The following PREX2 variants were observed in gnomAD, a reference collection of about 807,000 sequenced individuals.
The protein encoded by PREX2 is phosphatidylinositol-3,4,5-trisphosphate dependent Rac exchange factor 2, also known as phosphatidylinositol 3,4,5-trisphosphate-dependent Rac exchanger 2 protein.
Under a neutral mutation model 203.2 loss-of-function variants are expected in PREX2, and 107 were observed. The ratio of observed to expected loss-of-function variants is 0.53; its 90% confidence interval spans 0.45 to 0.62. The LOEUF (loss-of-function observed/expected upper bound fraction) is 0.62, where lower values mean the gene tolerates loss of function less well. PREX2 is among the 20% of genes least tolerant of loss of function. The pLI, the probability that PREX2 is intolerant of heterozygous loss-of-function variation, is 0.00. For missense variants in PREX2, 1,777 were observed against 1,955.9 expected (o/e 0.91, Z 1.72); for synonymous variants, 672 against 663.6 (o/e 1.01, Z -0.19).
intron 30 of PREX2, among the ~76,000 whole-genome samples, chr8:68,122,712 C>G (rs758486545): frequency 6.6e-6 from 1 of 152,032 alleles, no homozygotes; most frequent in Admixed American, 6.6e-5. Context: ...TTCTAATGCT[C>G]TCATTAGATT....
At chr8:68,061,221 T>G (rs929249926) in intron 11 of PREX2, among the ~76,000 whole-genome samples, 4 of 152,186 alleles carry the variant, frequency 2.6e-5, no homozygotes, top group African/African-American at 7.2e-5. Flanking sequence ...GTGGCTTCTT[T>G]GGGCACCGGC....
At chr8:68,004,618 T>C (rs1326724752) in intron 1 of PREX2, among the ~76,000 whole-genome samples, 1 of 152,250 alleles carries the variant, frequency 6.6e-6, no homozygotes, top group African/African-American at 2.4e-5. Flanking sequence ...AGCTTAGTAT[T>C]GATGCAAGTA....
At chr8:68,103,003 C>T (rs752899665) in intron 23 of PREX2, 2 of 507,038 alleles carry the variant, frequency 3.9e-6, no homozygotes, top group Non-Finnish European at 7.9e-6. Flanking sequence ...CTTTGTTTTA[C>T]ATTTGTTCTT....
In PREX2 at chr8:68,017,807, C is replaced by A. The variant is rs187002953; in HGVS notation, c.142-39C>A. The A allele has an allele frequency of 4.8e-5, 73 of 1,536,760 alleles. No individual in the cohort carries two copies. In the African/African-American group the frequency reaches 8.8e-4, roughly 18 times the overall value. On this transcript the variant is annotated intron_variant, in intron 1 of 39. Coordinates refer to ENST00000288368, the MANE Select transcript of PREX2 (RefSeq NM_024870.4). The stretch of plus-strand genomic sequence containing the variant: ...ACTCAACACCCAGTCATTTTATTAA[C>A]CTAATGTTACCTTCATAATGTCTTC...
At chr8:68,012,385 A>G (rs1807290229) in intron 1 of PREX2, among the ~76,000 whole-genome samples, 1 of 152,214 alleles carries the variant, frequency 6.6e-6, no homozygotes, top group Admixed American at 6.5e-5. Flanking sequence ...GAAAAAGAGT[A>G]AAACATCTTT....
At chr8:67,957,136 A>T (rs978380141) in intron 1 of PREX2, among the ~76,000 whole-genome samples, 2 of 152,136 alleles carry the variant, frequency 1.3e-5, no homozygotes, top group African/African-American at 2.4e-5. Context: ...ATTAGATAGA[A>T]TTTTTGTTTC....
At chr8:68,164,075 A>G (rs901806620) in intron 35 of PREX2, among the ~76,000 whole-genome samples, 1 of 152,166 alleles carries the variant, frequency 6.6e-6, no homozygotes, top group African/African-American at 2.4e-5. Context: ...AGGAAGACAG[A>G]TGACCCAAAA....
At chr8:68,170,243 G>A (rs995946441) in intron 35 of PREX2, among the ~76,000 whole-genome samples, 42 of 152,354 alleles carry the variant, frequency 2.8e-4, no homozygotes, top group African/African-American at 9.6e-4. Context: ...AGGGCTGTAT[G>A]TAGGCCATTG....
At chr8:68,080,282 G>GA (rs57574488) in intron 15 of PREX2, among the ~76,000 whole-genome samples, 161 bp from the exon 16 acceptor site, 1 of 150,730 alleles carries the variant, frequency 6.6e-6, no homozygotes, top group East Asian at 2.0e-4. Context: ...TATAGAAAGA[G>GA]AAAAAAAACA....
Position 68,118,779 on chromosome 8 carries a change from C to T in PREX2, c.3421+135C>T, listed in dbSNP as rs896945067. The T allele has an allele frequency of 6.5e-6, 5 of 775,094 alleles. No homozygotes were observed. In the African/African-American group the frequency reaches 8.5e-5, roughly 13 times the overall value. The allele number at this position is 775,094 out of a possible 1,614,324, so 48.0% of individuals were successfully genotyped here. Reference sequence around the variant, plus strand: ...CAGTCACTCTCTGTGGCCACACATACTGCATTTCAGTTTTATGAGCTTGAT... The same window carrying T: ...CAGTCACTCTCTGTGGCCACACATATTGCATTTCAGTTTTATGAGCTTGAT... On this transcript the variant is annotated intron_variant, in intron 27 of 39. Coordinates refer to ENST00000288368, the MANE Select transcript of PREX2 (RefSeq NM_024870.4).
intron 1 of PREX2, among the ~76,000 whole-genome samples, chr8:67,996,841 T>C (rs1185865549): frequency 2.0e-5 from 3 of 152,194 alleles, no homozygotes; most frequent in Non-Finnish European, 4.4e-5. Flanking sequence ...AGTTGAGGTT[T>C]GTTTTATTTT....
At chr8:68,050,024 A>G (rs980131584) in intron 8 of PREX2, among the ~76,000 whole-genome samples, 3 of 151,984 alleles carry the variant, frequency 2.0e-5, no homozygotes, top group Admixed American at 6.6e-5. Flanking sequence ...GGCCTGTGGT[A>G]TGTATATTCA....
At chr8:68,002,666 AT>A (rs879603958) in intron 1 of PREX2, among the ~76,000 whole-genome samples, 19 of 143,522 alleles carry the variant, frequency 1.3e-4, no homozygotes, top group East Asian at 6.2e-4. Flanking sequence ...CTTCTTAATC[AT>A]TTTTTTTTTC....
At chr8:68,135,431 A>G (rs564746708) in intron 32 of PREX2, among the ~76,000 whole-genome samples, 44 of 152,314 alleles carry the variant, frequency 2.9e-4, no homozygotes, top group Admixed American at 1.1e-3. Context: ...ATTTGAATAG[A>G]TATTTCTCCA....
At chr8:68,107,095 A>G (rs980873811) in intron 23 of PREX2, among the ~76,000 whole-genome samples, 2 of 152,166 alleles carry the variant, frequency 1.3e-5, no homozygotes, top group East Asian at 1.9e-4. Flanking sequence ...TTATACCTAT[A>G]TAATAGGAAG....
chr8:68,068,894 G>A (rs562262172), intron 11 of PREX2, 139 bp from the exon 12 acceptor site: 29 of 436,728 alleles, frequency 6.6e-5, no homozygotes, highest in African/African-American at 5.6e-4. Flanking sequence ...AATTGGTATT[G>A]CTGTGTTAGA....
At chr8:68,139,468 A>G (rs1360494766) in intron 33 of PREX2, among the ~76,000 whole-genome samples, 1 of 152,200 alleles carries the variant, frequency 6.6e-6, no homozygotes, top group Non-Finnish European at 1.5e-5. Context: ...AGGCCAGACT[A>G]TGAAGGGCAT....
intron 39 of PREX2, among the ~76,000 whole-genome samples, chr8:68,230,179 A>G (rs200134321): frequency 8.1e-6 from 1 of 123,338 alleles, no homozygotes; most frequent in African/African-American, 4.0e-5. Flanking sequence ...AATCTTGCTC[A>G]TTCTTCTCCT....
At chr8:68,125,648 G>A (rs572625228) in intron 30 of PREX2, among the ~76,000 whole-genome samples, 1 of 152,080 alleles carries the variant, frequency 6.6e-6, no homozygotes, top group Non-Finnish European at 1.5e-5. Context: ...TCAGCTGAAT[G>A]AAGAGATTTT....
Sources: gnomAD v4.1 joint callset for allele counts (sites outside exome capture counted in the v4.1 genomes callset) on GRCh38, gnomAD v4.1.1 for gene constraint, MANE v1.5 for transcripts, NCBI Gene and HGNC (gene_info 2026-07-23, HGNC 2026-07-21) for gene names.